Variants in MMP9 observed in about 807,000 individuals in gnomAD.
MMP9 encodes matrix metallopeptidase 9.
MMP9 carries 73 observed loss-of-function variants against 76.4 expected under a neutral mutation model. The ratio of observed to expected loss-of-function variants is 0.96; its 90% CI spans 0.79 to 1.16. MMP9 has a LOEUF of 1.16. Ranked by LOEUF, MMP9 falls within the 50% of genes most tolerant of loss-of-function variation. The pLI is 0.00. For missense variants in MMP9, 943 were observed against 973.0 expected (o/e 0.97, Z 0.41); for synonymous variants, 412 against 408.4 (o/e 1.01, Z -0.11).
intron 7 of MMP9, 47 bp downstream of exon 7, chr20:46,012,360 G>A (rs1177595486): frequency 6.2e-7 from 1 of 1,613,086 alleles, no homozygotes; most frequent in East Asian, 2.2e-5. Context: ...CGGCAGTGGT[G>A]GTGGTGGGGT....
chr20:46,009,831 A>C, intron 1 of MMP9, 35 bp from the exon 2 acceptor site: 15 of 1,532,296 alleles, frequency 9.8e-6, no homozygotes, highest in South Asian at 1.2e-5. Flanking sequence ...GAAAGGGGTC[A>C]GAGATCTGGC....
rs1335218422 is a variant in MMP9 at position 46,009,916 on chromosome 20, G to A, written c.189G>A (p.Glu63=). Residue 63 remains glutamate (E), a synonymous_variant, in exon 2 of 13, where the codon GAG becomes GAA. Coordinates refer to ENST00000372330, the MANE Select transcript of MMP9 (RefSeq NM_004994.3). ...GYTRVAEMRG[E]SKSLGPALLL... ...CTCGGGTGGCAGAGATGCGTGGAGA[G>A]TCGAAATCTCTGGGGCCTGCGCTGC... The A allele has an allele frequency of 2.6e-6, 4 of 1,552,358 alleles. No homozygotes were observed. In the Admixed American group the frequency reaches 5.9e-5, roughly 23 times the overall value.
At chr20:46,010,409 C>T (rs2084271019) in intron 2 of MMP9, 74 bp from the exon 3 acceptor site, 3 of 1,512,752 alleles carry the variant, frequency 2.0e-6, no homozygotes, top group Middle Eastern at 1.7e-4. Flanking sequence ...GAAGTCTCTG[C>T]GATATGGGGT....
chr20:46,011,223 T>G lies in MMP9; in HGVS notation c.730T>G (p.Cys244Gly). 1 of 1,613,968 alleles carries G rather than the reference T, an allele frequency of 6.2e-7. No individual in the cohort carries two copies. Among genetic ancestry groups the G allele is most frequent in the Non-Finnish European group, 8.5e-7 (1 of 1,180,040 alleles). The change falls in exon 5 of 13, where the codon TGC becomes GGC. Residue 244 changes from cysteine to glycine, a missense_variant. By Grantham distance (159) the Cys-to-Gly change is radical (BLOSUM62 -3). Coordinates refer to ENST00000372330, the MANE Select transcript of MMP9 (RefSeq NM_004994.3). ...CTTCGAGGGCCGCTCCTACTCTGCCTGCACCACCGACGGTCGCTCCGACGG... is the reference window on the plus strand; with the variant it reads ...CTTCGAGGGCCGCTCCTACTCTGCCGGCACCACCGACGGTCGCTCCGACGG... ...FIFEGRSYSA[C>G]TTDGRSDGLP...
At position 46,014,277 on chromosome 20, in the gene MMP9, G is replaced by T. The variant is rs2084305421; in HGVS notation, c.1901+3G>T. 2 of 1,524,506 alleles carry T rather than the reference G, an allele frequency of 1.3e-6. No homozygotes were observed. The highest frequency in any genetic ancestry group is 8.8e-7 in the Non-Finnish European group (1 of 1,139,426). The allele number at this position is 1,524,506 out of a possible 1,614,324, so 94.4% of individuals were successfully genotyped here. A position where few individuals can be genotyped will look rare whatever the true frequency, so the allele number is the denominator to read the frequency against. ...TTCAGCGGGCGGCGCCTCTGGAGGT[G>T]AGCGCCGCCGCGGCCGCCGGCAGGG... On this transcript the variant is annotated splice_donor_region_variant and intron_variant, in intron 11 of 12. Coordinates refer to ENST00000372330, the MANE Select transcript of MMP9 (RefSeq NM_004994.3).
rs200799611 is a variant in MMP9, at chr20:46,010,944, C to A, written c.543C>A (p.Phe181Leu). The change falls in exon 4 of 13, where the codon TTC becomes TTA. Residue 181 changes from phenylalanine to leucine, a missense_variant. Phe to Leu is a conservative substitution (Grantham distance 22, BLOSUM62 0). Transcript: ENST00000372330. ...CAGAGCACGGAGACGGGTATCCCTT[C>A]GACGGGAAGGACGGGCTCCTGGCAC... is the stretch of plus-strand genomic sequence containing the variant. The part of the protein sequence containing the change: ...GVAEHGDGYP[F>L]DGKDGLLAHA... 1.2e-6 allele frequency: 2 copies of A among 1,614,246 alleles called. No homozygotes were observed. The highest frequency in any genetic ancestry group is 1.7e-6 in the Non-Finnish European group (2 of 1,180,044).
At chr20:46,011,868 T>A in intron 6 of MMP9, 121 bp downstream of exon 6, 1 of 1,257,376 alleles carries the variant, frequency 8.0e-7, no homozygotes, top group Non-Finnish European at 1.1e-6. Context: ...AGGACGACCG[T>A]GACTCCGCCC....
intron 7 of MMP9, 29 bp downstream of exon 7, chr20:46,012,342 G>T (rs778510967): frequency 6.2e-7 from 1 of 1,612,522 alleles, no homozygotes; most frequent in Non-Finnish European, 8.5e-7. Context: ...CTCCGGGGCT[G>T]GGGTTCCCGG....
At position 46,014,269 on chromosome 20, in the gene MMP9, C is replaced by T. The variant is rs202160464; in HGVS notation, c.1896C>T (p.Leu632=). ...TGCTGCTGTTCAGCGGGCGGCGCCT[C>T]TGGAGGTGAGCGCCGCCGCGGCCGC... ...GKMLLFSGRR[L]WRFDVKAQMV... The change falls in exon 11 of 13, where the codon CTC becomes CTT. Residue 632 remains leucine (L), a synonymous_variant. Coordinates refer to ENST00000372330, the MANE Select transcript of MMP9 (RefSeq NM_004994.3). The T allele has an allele frequency of 1.5e-4, 214 of 1,474,642 alleles. 1 individual carries two copies. The African/African-American group carries it at 2.9e-3, about 20-fold the overall frequency. 91.3% of individuals were successfully genotyped at this position (1,474,642 alleles called of 1,614,324 possible).
At chr20:46,011,527 G>C in intron 5 of MMP9, 47 bp from the exon 6 acceptor site, 1 of 1,609,750 alleles carries the variant, frequency 6.2e-7, no homozygotes, top group Non-Finnish European at 8.5e-7. Context: ...GGGTTATAAT[G>C]TGCTGTCTCC....
At chr20:46,010,413 A>G (rs2084271031) in intron 2 of MMP9, 70 bp from the exon 3 acceptor site, 2 of 1,558,528 alleles carry the variant, frequency 1.3e-6, no homozygotes, top group South Asian at 1.1e-5. Flanking sequence ...TCTCTGCGAT[A>G]TGGGGTGTCC....
Position 46,013,991 on chromosome 20 carries a change from G to C in MMP9, c.1751-133G>C. On this transcript the variant is annotated intron_variant, in intron 10 of 12. Transcript: ENST00000372330. This position sits in a 1 kb window ranked among gnomAD's most constrained non-coding sequence, Gnocchi z 4.5. ...ACGCCCTCGCGTCGCTCTACCCAGC[G>C]CCTCTGCCCCTGGGTTGCAGGGACT... 1 of 1,442,606 alleles carries C rather than the reference G, an allele frequency of 6.9e-7. No individual in the cohort carries two copies. Among genetic ancestry groups the C allele is most frequent in the Non-Finnish European group, 9.3e-7 (1 of 1,072,520 alleles). 89.4% of individuals were successfully genotyped at this position (1,442,606 alleles called of 1,614,324 possible).
intron 12 of MMP9, 37 bp from the exon 13 acceptor site, chr20:46,016,213 T>G (rs1246588568): frequency 1.3e-6 from 2 of 1,551,036 alleles, no homozygotes; most frequent in South Asian, 2.2e-5. Flanking sequence ...GTGGGAGAAT[T>G]AGAATCACTC....
At chr20:46,010,871 T>C in intron 3 of MMP9, 51 bp from the exon 4 acceptor site, 1 of 1,614,090 alleles carries the variant, frequency 6.2e-7, no homozygotes, top group Non-Finnish European at 8.5e-7. Flanking sequence ...CAGCGCACAA[T>C]CTGCGCAGCA....
rs2084299302 is a variant in MMP9 at position 46,013,653 on chromosome 20, T to A, written c.1611-4T>A. The A allele has an allele frequency of 6.2e-7, 1 of 1,613,968 alleles. No homozygotes were observed. The highest frequency in any genetic ancestry group is 2.2e-5 in the East Asian group (1 of 44,876). The stretch of plus-strand genomic sequence containing the variant: ...GCCCGTCCTTTCCCTCCTCGCTTTC[T>A]CAGGAAGTACTGGCGATTCTCTGAG... On this transcript the variant is annotated splice_region_variant and splice_polypyrimidine_tract_variant and intron_variant, in intron 9 of 12. Transcript: ENST00000372330. The surrounding 1 kb of genome is among the most constrained non-coding windows in gnomAD (Gnocchi z 4.5).
chr20:46,009,860 C>T lies in MMP9; in HGVS notation c.139-6C>T. ...ATCTGGCATGTGTGTGTCCCTTCAT[C>T]CACAGGAATACCTGTACCGCTATGG... is the stretch of plus-strand genomic sequence containing the variant. On this transcript the variant is annotated splice_region_variant and splice_polypyrimidine_tract_variant and intron_variant, in intron 1 of 12. Coordinates refer to ENST00000372330, the MANE Select transcript of MMP9 (RefSeq NM_004994.3). 1 of 1,550,576 alleles carries T rather than the reference C, an allele frequency of 6.4e-7. No homozygotes were observed. Among genetic ancestry groups the T allele is most frequent in the Non-Finnish European group, 8.7e-7 (1 of 1,145,892 alleles).
intron 6 of MMP9, 88 bp from the exon 7 acceptor site, chr20:46,012,049 C>A (rs2084283433): frequency 6.5e-7 from 1 of 1,543,812 alleles, no homozygotes; most frequent in African/African-American, 1.4e-5. Context: ...CCTAGGCCAC[C>A]AAGATTGTTT....
Position 46,014,364 on chromosome 20 carries a change from C to A in MMP9, c.1902-7C>A, listed in dbSNP as rs1458848703. ...TCAGCACCTGTCTCCTCCGCGCCTG[C>A]CCGCAGGTTCGACGTGAAGGCGCAG... is the stretch of plus-strand genomic sequence containing the variant. On this transcript the variant is annotated splice_region_variant and splice_polypyrimidine_tract_variant and intron_variant, in intron 11 of 12. Transcript: ENST00000372330. 18 of 1,546,916 alleles carry A rather than the reference C, an allele frequency of 1.2e-5. No individual in the cohort carries two copies. The highest frequency in any genetic ancestry group is 1.5e-5 in the Non-Finnish European group (17 of 1,146,912).
chr20:46,011,367 T>G, intron 5 of MMP9, 51 bp downstream of exon 5: 1 of 1,588,598 alleles, frequency 6.3e-7, no homozygotes, highest in Non-Finnish European at 8.5e-7. Flanking sequence ...CCCTTGATGG[T>G]CCTGGGTTCT....
Sources: allele counts gnomAD v4.1 joint callset, GRCh38; gene constraint gnomAD v4.1.1; non-coding constraint Gnocchi (gnomAD v3.1); transcripts MANE v1.5; gene names NCBI Gene and HGNC (gene_info 2026-07-23, HGNC 2026-07-21).